Variants in EXOC6B observed in about 807,000 individuals in gnomAD.
EXOC6B encodes SEC15 homolog B.
In EXOC6B, 54 loss-of-function variants were observed where a neutral mutation model predicts 113.5. That is an observed-to-expected ratio of 0.48 (90% CI 0.38 to 0.60). The LOEUF is 0.60. EXOC6B is among the 20% of genes least tolerant of loss of function. The probability of loss-of-function intolerance (pLI) is 0.00; values close to 1 mark genes in which losing one functional copy is unlikely to be tolerated. For synonymous variants in EXOC6B, 357 were observed against 339.0 expected, an observed-to-expected ratio of 1.05 and a Z score of -0.58; for missense variants, 797 against 977.5, an observed-to-expected ratio of 0.82 and a Z score of 2.46.
At chr2:72,607,970 T>G (rs562268020) in intron 6 of EXOC6B, among the ~76,000 whole-genome samples, 1 of 151,746 alleles carries the variant, frequency 6.6e-6, no homozygotes, top group Non-Finnish European at 1.5e-5. Flanking sequence ...AAAAAACAAA[T>G]GGGATATTAT....
At chr2:72,512,914 T>C (rs1701019829) in intron 11 of EXOC6B, among the ~76,000 whole-genome samples, 1 of 152,108 alleles carries the variant, frequency 6.6e-6, no homozygotes, top group East Asian at 1.9e-4. Context: ...CAATAGATAT[T>C]AGCTGCTATT....
chr2:72,268,187 T>C (rs954756539), intron 20 of EXOC6B, among the ~76,000 whole-genome samples: 6 of 152,190 alleles, frequency 3.9e-5, no homozygotes, highest in African/African-American at 9.6e-5. Context: ...CTTGGCTCAC[T>C]GCAAGCTCTG....
intron 18 of EXOC6B, among the ~76,000 whole-genome samples, chr2:72,428,081 T>C (rs1695309765): frequency 6.6e-6 from 1 of 152,176 alleles, no homozygotes; most frequent in African/African-American, 2.4e-5. Context: ...CCCGTAGATC[T>C]CCTCTGAGCT....
intron 6 of EXOC6B, among the ~76,000 whole-genome samples, chr2:72,624,338 A>T (rs1671923110): frequency 6.6e-6 from 1 of 152,136 alleles, no homozygotes. Context: ...GCATCAAGGT[A>T]TCCTCCTTCC....
intron 18 of EXOC6B, among the ~76,000 whole-genome samples, chr2:72,413,405 C>T (rs1012171455): frequency 1.9e-4 from 29 of 149,854 alleles, no homozygotes; most frequent in African/African-American, 6.4e-4. Context: ...GAGATGGGGT[C>T]GGCCAGGCAC....
intron 6 of EXOC6B, among the ~76,000 whole-genome samples, chr2:72,622,169 C>T (rs1008381256): frequency 2.1e-4 from 31 of 150,500 alleles, no homozygotes; most frequent in African/African-American, 6.1e-4. Flanking sequence ...TTTCATATTA[C>T]ACACATGAAG....
At chr2:72,687,072 A>T (rs1677139783) in intron 6 of EXOC6B, among the ~76,000 whole-genome samples, 1 of 151,004 alleles carries the variant, frequency 6.6e-6, no homozygotes. Context: ...TGGAAGGCAG[A>T]GGTTGCACTG....
intron 1 of EXOC6B, among the ~76,000 whole-genome samples, chr2:72,821,736 G>T (rs1686591470): frequency 6.6e-6 from 1 of 152,066 alleles, no homozygotes; most frequent in African/African-American, 2.4e-5. Flanking sequence ...TATACAAAAT[G>T]TCCCGATGTC....
At chr2:72,186,675 G>A (rs1285660099) in intron 20 of EXOC6B, among the ~76,000 whole-genome samples, 1 of 152,124 alleles carries the variant, frequency 6.6e-6, no homozygotes, top group East Asian at 1.9e-4. Flanking sequence ...AGCATATATG[G>A]ACATATACAT....
chr2:72,717,883 C>T (rs914143166), intron 6 of EXOC6B, among the ~76,000 whole-genome samples: 5 of 152,118 alleles, frequency 3.3e-5, no homozygotes, highest in Non-Finnish European at 7.4e-5. Context: ...ACCATCACAA[C>T]TGATCAATAT....
intron 6 of EXOC6B, among the ~76,000 whole-genome samples, chr2:72,656,927 C>T (rs1156529048): frequency 6.6e-6 from 1 of 152,172 alleles, no homozygotes; most frequent in Non-Finnish European, 1.5e-5. Flanking sequence ...TCTCGGCTCA[C>T]TGCAACCTCC....
intron 1 of EXOC6B, among the ~76,000 whole-genome samples, chr2:72,800,429 A>C (rs13414291): frequency 0.012 from 1,784 of 152,300 alleles, 30 homozygotes; most frequent in African/African-American, 0.041. Flanking sequence ...TGCCTGTCAT[A>C]AAAAAATCAA....
In EXOC6B at chr2:72,785,041, C is replaced by T. The variant is rs144893049; in HGVS notation, c.113+40757G>A. Among the ~76,000 whole-genome samples the T allele has an allele frequency of 5.6e-3, 848 of 152,174 alleles. 7 individuals carry two copies. Among genetic ancestry groups the T allele is most frequent in the African/African-American group, 0.02 (818 of 41,530 alleles). ...GCCATTCCAAATGGGAGAAATTGGC[C>T]AAAACAAAGGGGTTACAGGGTCCAT... On this transcript the variant is annotated intron_variant, in intron 1 of 21. Coordinates refer to ENST00000272427, the MANE Select transcript of EXOC6B (RefSeq NM_015189.3).
Position 72,465,214 on chromosome 2 carries a change from C to T in EXOC6B, c.1926G>A (p.Leu642=). 1 of 1,611,954 alleles carries T rather than the reference C, an allele frequency of 6.2e-7. No homozygotes were observed. The highest frequency in any genetic ancestry group is 1.1e-5 in the South Asian group (1 of 90,474). Reference sequence around the variant, plus strand: ...TACGAAGAAAGGCAATGAGGTCTACCAGGTAATCACTAGCTTTGTTGCCCA... The same window carrying T: ...TACGAAGAAAGGCAATGAGGTCTACTAGGTAATCACTAGCTTTGTTGCCCA... The part of the protein sequence containing the change: ...GDLGNKASDY[L]VDLIAFLRST... The change falls in exon 18 of 22, where the codon CTG becomes CTA. Residue 642 remains leucine (L), a synonymous_variant. Coordinates refer to ENST00000272427, the MANE Select transcript of EXOC6B (RefSeq NM_015189.3).
intron 8 of EXOC6B, among the ~76,000 whole-genome samples, chr2:72,536,763 AGC>A (rs1339417098): frequency 6.6e-6 from 1 of 152,220 alleles, no homozygotes; most frequent in Non-Finnish European, 1.5e-5. Context: ...AGCCACTACT[AGC>A]CTATACACCA....
At chr2:72,385,719 C>A (rs1037511619) in intron 18 of EXOC6B, among the ~76,000 whole-genome samples, 3 of 152,072 alleles carry the variant, frequency 2.0e-5, no homozygotes, top group Non-Finnish European at 4.4e-5. Flanking sequence ...AGACATTTCT[C>A]AAGAGAAGAC....
intron 6 of EXOC6B, among the ~76,000 whole-genome samples, chr2:72,639,758 G>A (rs1156948319): frequency 2.0e-5 from 3 of 152,184 alleles, no homozygotes; most frequent in Non-Finnish European, 4.4e-5. Flanking sequence ...GGAGCTAAGT[G>A]TTGGCCCCCT....
intron 1 of EXOC6B, among the ~76,000 whole-genome samples, chr2:72,802,607 T>A (rs1286437615): frequency 6.6e-6 from 1 of 152,330 alleles, no homozygotes; most frequent in East Asian, 1.9e-4. Context: ...ATTAAGCTTT[T>A]CTGTATGGTT....
chr2:72,659,529 T>C (rs1674850693), intron 6 of EXOC6B, among the ~76,000 whole-genome samples: 1 of 152,140 alleles, frequency 6.6e-6, no homozygotes, highest in African/African-American at 2.4e-5. Flanking sequence ...ATCTGTATCT[T>C]GCTATACAAC....
Sources: allele counts gnomAD v4.1 joint callset (sites outside exome capture counted in the v4.1 genomes callset), GRCh38; gene constraint gnomAD v4.1.1; transcripts MANE v1.5; gene names NCBI Gene and HGNC (gene_info 2026-07-23, HGNC 2026-07-21).